The following ARHGAP26 variants were observed in gnomAD, a reference collection of about 807,000 sequenced individuals.
The protein encoded by ARHGAP26 is rho GTPase-activating protein 26.
Under a neutral mutation model 104.8 loss-of-function variants are expected in ARHGAP26, and 38 were observed. The observed-to-expected ratio is 0.36, with a 90% CI of 0.28 to 0.48. The LOEUF is 0.48. Among genes scored for constraint, ARHGAP26 ranks in the 20% least tolerant of loss-of-function variants. ARHGAP26 has a pLI of 0.99. For synonymous variants in ARHGAP26, 341 were observed against 340.0 expected (o/e 1.00, Z -0.03); for missense variants, 704 against 947.9 (o/e 0.74, Z 3.38).
At chr5:143,092,484 C>T (rs557425425) in intron 17 of ARHGAP26, among the ~76,000 whole-genome samples, 6 of 152,230 alleles carry the variant, frequency 3.9e-5, no homozygotes, top group African/African-American at 1.2e-4. Flanking sequence ...CTTTAAACAA[C>T]CAGTTAATTT....
intron 20 of ARHGAP26, among the ~76,000 whole-genome samples, chr5:143,195,131 ATC>A (rs1458675821): frequency 1.3e-5 from 2 of 152,192 alleles, no homozygotes. Context: ...ATCAAAGTTC[ATC>A]TCTCTTTCTC....
intron 6 of ARHGAP26, among the ~76,000 whole-genome samples, chr5:142,898,175 TAC>T (rs10571226): frequency 0.47 from 70,265 of 149,640 alleles, 19,782 homozygotes; most frequent in East Asian, 0.9. Context: ...CACACACACA[TAC>T]ACACACACAC....
At chr5:143,053,661 CAAAAG>C (rs1477965642) in intron 14 of ARHGAP26, among the ~76,000 whole-genome samples, 1 of 152,154 alleles carries the variant, frequency 6.6e-6, no homozygotes. Context: ...CAAGAAGAGA[CAAAAG>C]AAATTGTCAG....
intron 14 of ARHGAP26, among the ~76,000 whole-genome samples, chr5:143,052,254 G>A (rs1253036753): frequency 1.3e-5 from 2 of 152,050 alleles, no homozygotes; most frequent in African/African-American, 2.4e-5. Context: ...GGCGGATCTC[G>A]AGGTCAGGAG....
At position 143,016,659 on chromosome 5, in the gene ARHGAP26, T is replaced by G. The variant is rs1016315909; in HGVS notation, c.1144+2543T>G. On this transcript the variant is annotated intron_variant, in intron 12 of 22. Transcript: ENST00000645722. ...CAGAGGTTGCAGTGAGCCAAGATCG[T>G]GCTATTGCACTCCATCCTGGGCAAT... Among the ~76,000 whole-genome samples the G allele has an allele frequency of 2.4e-4, 34 of 144,352 alleles. 1 individual carries two copies. Among genetic ancestry groups the G allele is most frequent in the South Asian group, 1.9e-3 (9 of 4,672 alleles). 94.7% of individuals were successfully genotyped at this position (144,352 alleles called of 152,430 possible). A position where few individuals can be genotyped will look rare whatever the true frequency, so the allele number is the denominator to read the frequency against.
At chr5:143,052,068 T>C (rs907668944) in intron 14 of ARHGAP26, among the ~76,000 whole-genome samples, 1 of 152,174 alleles carries the variant, frequency 6.6e-6, no homozygotes, top group African/African-American at 2.4e-5. Flanking sequence ...AGACACAAAT[T>C]AAAGTGGCAG....
chr5:143,065,033 C>A (rs3776329), intron 17 of ARHGAP26, among the ~76,000 whole-genome samples: 1 of 151,992 alleles, frequency 6.6e-6, no homozygotes, highest in Non-Finnish European at 1.5e-5. Flanking sequence ...TTCATCTCTT[C>A]CTTTTCTGAG....
chr5:143,177,017 A>G (rs1261244077), intron 20 of ARHGAP26, among the ~76,000 whole-genome samples: 1 of 152,214 alleles, frequency 6.6e-6, no homozygotes, highest in East Asian at 1.9e-4. Flanking sequence ...CTCATCTGTC[A>G]TTACTTTGAA....
At chr5:142,791,640 A>G (rs1004900076) in intron 1 of ARHGAP26, among the ~76,000 whole-genome samples, 5 of 152,138 alleles carry the variant, frequency 3.3e-5, no homozygotes, top group Non-Finnish European at 7.3e-5. Context: ...ATTAGAGTAT[A>G]TATTCTCCTC....
intron 20 of ARHGAP26, among the ~76,000 whole-genome samples, chr5:143,196,888 A>G (rs258764): frequency 0.67 from 102,626 of 152,076 alleles, 35,750 homozygotes; most frequent in East Asian, 0.93. Context: ...AGCACCCCAG[A>G]TGTTGATTTT....
At chr5:143,088,569 G>T (rs1790935397) in intron 17 of ARHGAP26, among the ~76,000 whole-genome samples, 1 of 152,100 alleles carries the variant, frequency 6.6e-6, no homozygotes, top group Non-Finnish European at 1.5e-5. Flanking sequence ...GATAATCTGA[G>T]ACTGAAAAAA....
At chr5:143,058,078 G>A (rs1786118063) in intron 17 of ARHGAP26, 1 of 512,704 alleles carries the variant, frequency 2.0e-6, no homozygotes, top group Non-Finnish European at 3.8e-6. Context: ...GGGATTATAT[G>A]TTCTTATGCT....
At chr5:143,005,555 T>A (rs574259419) in intron 11 of ARHGAP26, among the ~76,000 whole-genome samples, 1 of 152,074 alleles carries the variant, frequency 6.6e-6, no homozygotes, top group Non-Finnish European at 1.5e-5. Flanking sequence ...AAAATGAGGG[T>A]GGTATCCCTG....
intron 11 of ARHGAP26, among the ~76,000 whole-genome samples, chr5:142,980,209 C>T (rs1182257602): frequency 6.6e-6 from 1 of 152,166 alleles, no homozygotes; most frequent in Non-Finnish European, 1.5e-5. Context: ...TGAGACTCAT[C>T]CATGTTTCCA....
intron 11 of ARHGAP26, among the ~76,000 whole-genome samples, chr5:142,960,605 T>A (rs1354514176): frequency 6.6e-6 from 1 of 152,200 alleles, no homozygotes; most frequent in East Asian, 1.9e-4. Flanking sequence ...TTGGGAGGTG[T>A]CTCTTGTTAT....
intron 5 of ARHGAP26, among the ~76,000 whole-genome samples, chr5:142,890,870 T>C (rs1416745492): frequency 6.6e-6 from 1 of 152,222 alleles, no homozygotes; most frequent in Non-Finnish European, 1.5e-5. Flanking sequence ...TCTCACCAGC[T>C]AGGACATTGT....
chr5:143,125,131 G>T (rs746005061), intron 18 of ARHGAP26, among the ~76,000 whole-genome samples: 3 of 152,148 alleles, frequency 2.0e-5, no homozygotes, highest in Non-Finnish European at 4.4e-5. Context: ...AGAGAAGTGG[G>T]TAATTCAGTT....
intron 18 of ARHGAP26, among the ~76,000 whole-genome samples, chr5:143,121,963 A>G (rs1362931364): frequency 1.3e-5 from 2 of 152,220 alleles, no homozygotes; most frequent in African/African-American, 4.8e-5. Context: ...TGGCAAATTA[A>G]TCATGCACAA....
Position 143,060,490 on chromosome 5 carries a change from G to A in ARHGAP26, c.1538+2743G>A, listed in dbSNP as rs148642255. On this transcript the variant is annotated intron_variant, in intron 17 of 22. Transcript: ENST00000645722. ...AGGATAAAAACTCCAAACCTCTAAA[G>A]CAAATGATTACCAGGGTACATCCAA... Among the ~76,000 whole-genome samples, 741 of 152,192 alleles carry A rather than the reference G, an allele frequency of 4.9e-3. 2 individuals are homozygous for A. Among genetic ancestry groups the A allele is most frequent in the African/African-American group, 0.017 (711 of 41,514 alleles).
Sources: gnomAD v4.1 joint callset for allele counts (sites outside exome capture counted in the v4.1 genomes callset) on GRCh38, gnomAD v4.1.1 for gene constraint, MANE v1.5 for transcripts, NCBI Gene and HGNC (gene_info 2026-07-23, HGNC 2026-07-21) for gene names.